The following ABCA13 variants were observed in gnomAD, a reference collection of about 807,000 sequenced individuals.
ABCA13 encodes the protein ATP-binding cassette sub-family A member 13.
In ABCA13, 476 loss-of-function variants were observed where a neutral mutation model predicts 478.7. The ratio of observed to expected loss-of-function variants is 0.99; its 90% CI spans 0.92 to 1.07. The LOEUF (loss-of-function observed/expected upper bound fraction) is 1.07, where lower values mean the gene tolerates loss of function less well. Among genes scored for constraint, ABCA13 ranks in the 50% least tolerant of loss-of-function variants. The probability of loss-of-function intolerance (pLI) is 0.00; values close to 1 mark genes in which losing one functional copy is unlikely to be tolerated. For missense variants in ABCA13, 6,060 were observed against 5,910.6 expected (o/e 1.03, Z -0.83); for synonymous variants, 2,252 against 2,158.9 (o/e 1.04, Z -1.20).
Position 48,278,167 on chromosome 7 carries a change from T to A in ABCA13, c.6973T>A (p.Leu2325Met). Residue 2325 changes from leucine to methionine, a missense_variant, in exon 18 of 62, where the codon TTG becomes ATG. Physicochemically the swap from Leu to Met is conservative, Grantham distance 15. Coordinates refer to ENST00000435803, the MANE Select transcript of ABCA13 (RefSeq NM_152701.5). ...TCTTACCCTGATGATACAAGACAGA[T>A]TGATGAACATTTTTTCAAGTTTAAA... is the stretch of plus-strand genomic sequence containing the variant. The part of the protein sequence containing the change: ...QFLTLMIQDR[L>M]MNIFSSLKET... 1 of 1,552,936 alleles carries A rather than the reference T, an allele frequency of 6.4e-7. No individual in the cohort carries two copies. Among genetic ancestry groups the A allele is most frequent in the South Asian group, 1.2e-5 (1 of 81,512 alleles).
chr7:48,227,194 G>A, intron 5 of ABCA13, 68 bp from the exon 6 acceptor site: 2 of 1,563,102 alleles, frequency 1.3e-6, no homozygotes, highest in Non-Finnish European at 1.8e-6. Flanking sequence ...TGTAGCATCT[G>A]TCTGTCTCAT....
At chr7:48,298,226 A>G (rs1799674400) in intron 22 of ABCA13, 140 bp from the exon 23 acceptor site, 5 of 730,006 alleles carry the variant, frequency 6.8e-6, no homozygotes, top group African/African-American at 3.6e-5. Flanking sequence ...GGAGTAAGGT[A>G]TGACTTTATT....
In ABCA13 at chr7:48,281,936, A is replaced by T. The variant is rs566896243; in HGVS notation, c.8836+484A>T. Among the ~76,000 whole-genome samples, 4 of 152,200 alleles carry T rather than the reference A, an allele frequency of 2.6e-5. No individual in the cohort carries two copies. The South Asian group carries it at 8.3e-4, about 32-fold the overall frequency. ...CATAACCTTCTGTGTGCATTTCCTG[A>T]TGGGTGCTGAGTAGTCCCTGCAGTA... is the stretch of plus-strand genomic sequence containing the variant. On this transcript the variant is annotated intron_variant, in intron 19 of 61. Coordinates refer to ENST00000435803, the MANE Select transcript of ABCA13 (RefSeq NM_152701.5).
intron 31 of ABCA13, among the ~76,000 whole-genome samples, chr7:48,352,688 T>A (rs1270554923): frequency 6.6e-6 from 1 of 152,092 alleles, no homozygotes; most frequent in African/African-American, 2.4e-5. Flanking sequence ...GTTGAGATAA[T>A]ACAATCAAGT....
intron 10 of ABCA13, chr7:48,243,212 G>A (rs973290586): frequency 6.6e-6 from 1 of 152,244 alleles, no homozygotes; most frequent in African/African-American, 2.4e-5. Context: ...CTGGCCATGT[G>A]GTATCCTTGC....
chr7:48,233,508 G>C (rs1258492311), intron 7 of ABCA13, among the ~76,000 whole-genome samples: 1 of 151,974 alleles, frequency 6.6e-6, no homozygotes, highest in South Asian at 2.1e-4. Flanking sequence ...TGAGTTAGGG[G>C]AACTTTTTCT....
intron 55 of ABCA13, among the ~76,000 whole-genome samples, 183 bp from the exon 56 acceptor site, chr7:48,580,037 AAGAG>A (rs993760655): frequency 3.3e-5 from 5 of 152,194 alleles, no homozygotes; most frequent in Non-Finnish European, 5.9e-5. Flanking sequence ...CCATATGCCA[AAGAG>A]GCCTATTTTG....
rs1359471728 is a variant in ABCA13, at chr7:48,272,569, T to A, written c.2903T>A (p.Phe968Tyr). ...TTACTTCTGCAAATTTATTCTTCAT[T>A]TTACCGATATATTTATGAATTATTG... Reference protein sequence around the residue: ...SALLLQIYSSFYRYIYELLNI... With the variant: ...SALLLQIYSSYYRYIYELLNI... Residue 968 changes from phenylalanine to tyrosine, a missense_variant, in exon 17 of 62, where the codon TTT (phenylalanine) becomes TAT (tyrosine). Around this residue, in one of 3 missense-constraint regions of ABCA13, gnomAD observed 4,423 missense variants for 4,309.1 expected, o/e 1.03. Coordinates refer to ENST00000435803, the MANE Select transcript of ABCA13 (RefSeq NM_152701.5). 6.2e-7 allele frequency: 1 copy of A among 1,613,584 alleles called. No homozygotes were observed. The highest frequency in any genetic ancestry group is 1.3e-5 in the African/African-American group (1 of 74,924).
intron 29 of ABCA13, among the ~76,000 whole-genome samples, chr7:48,338,958 GA>G (rs1413235783): frequency 2.0e-5 from 3 of 152,164 alleles, no homozygotes; most frequent in African/African-American, 7.2e-5. Context: ...ATAATCCATA[GA>G]GGGGCATAAA....
At chr7:48,620,635 C>T (rs1264430418) in intron 59 of ABCA13, among the ~76,000 whole-genome samples, 4 of 152,110 alleles carry the variant, frequency 2.6e-5, no homozygotes, top group Non-Finnish European at 5.9e-5. Flanking sequence ...TTCTATGTCC[C>T]CAGAGACATG....
chr7:48,341,980 G>A (rs186376106), intron 29 of ABCA13, among the ~76,000 whole-genome samples: 7 of 145,124 alleles, frequency 4.8e-5, no homozygotes, highest in Admixed American at 4.2e-4. Context: ...CTTCCCTCTG[G>A]CATTACCTTA....
intron 23 of ABCA13, among the ~76,000 whole-genome samples, chr7:48,299,307 T>C (rs1421816378): frequency 6.6e-6 from 1 of 152,204 alleles, no homozygotes; most frequent in Non-Finnish European, 1.5e-5. Flanking sequence ...TTCTGGTTAA[T>C]TGGGGCTTAT....
intron 27 of ABCA13, among the ~76,000 whole-genome samples, chr7:48,333,415 G>A (rs867572543): frequency 1.3e-5 from 2 of 152,094 alleles, no homozygotes; most frequent in African/African-American, 2.4e-5. Flanking sequence ...CACTAGCCAG[G>A]TTATTCCAAT....
chr7:48,334,407 T>C (rs531417333), intron 27 of ABCA13, among the ~76,000 whole-genome samples: 1 of 151,864 alleles, frequency 6.6e-6, no homozygotes, highest in East Asian at 1.9e-4. Context: ...CAATCTTGGC[T>C]CACTGCAAGC....
chr7:48,375,531 T>A (rs1813330484), intron 34 of ABCA13, among the ~76,000 whole-genome samples: 1 of 152,208 alleles, frequency 6.6e-6, no homozygotes, highest in African/African-American at 2.4e-5. Context: ...ATTGGCAGCA[T>A]TTTTTGCTTA....
chr7:48,294,463 G>A (rs566013764), intron 20 of ABCA13, among the ~76,000 whole-genome samples: 5 of 139,010 alleles, frequency 3.6e-5, no homozygotes, highest in Non-Finnish European at 6.1e-5. Context: ...TTTTTGAGAC[G>A]GAGTCTCGCT....
chr7:48,584,047 T>C (rs940295925), intron 56 of ABCA13, among the ~76,000 whole-genome samples: 2 of 152,212 alleles, frequency 1.3e-5, no homozygotes, highest in Non-Finnish European at 1.5e-5. Context: ...ATTTGGCAAG[T>C]TTATTCAAAA....
At chr7:48,405,634 G>A (rs143572239) in intron 39 of ABCA13, among the ~76,000 whole-genome samples, 1 of 152,268 alleles carries the variant, frequency 6.6e-6, no homozygotes, top group Non-Finnish European at 1.5e-5. Context: ...TGTGAATTGT[G>A]GTGCAAATTA....
intron 15 of ABCA13, among the ~76,000 whole-genome samples, chr7:48,253,153 T>C (rs1221363176): frequency 6.6e-6 from 1 of 152,216 alleles, no homozygotes; most frequent in East Asian, 1.9e-4. Context: ...ATGTCCATAA[T>C]TGATTACTCC....
Sources: gnomAD v4.1 joint callset for allele counts (sites outside exome capture counted in the v4.1 genomes callset) on GRCh38, gnomAD v4.1.1 for gene constraint, gnomAD v4.1.1 regional missense constraint, MANE v1.5 for transcripts, NCBI Gene and HGNC (gene_info 2026-07-23, HGNC 2026-07-21) for gene names.